SHISAL1: variants seen among roughly 807,000 people sequenced by gnomAD.
SHISAL1 encodes shisa like 1, also known as protein shisa-like-1.
In SHISAL1, 9 loss-of-function variants were observed where a neutral mutation model predicts 22.6. That is an observed-to-expected ratio of 0.40 (90% confidence interval 0.24 to 0.70). SHISAL1 has a LOEUF of 0.70. SHISAL1 is among the 30% of genes least tolerant of loss of function. The pLI, the probability that SHISAL1 is intolerant of heterozygous loss-of-function variation, is 0.39. For missense variants in SHISAL1, 246 were observed against 270.6 expected (o/e 0.91, Z 0.64); for synonymous variants, 119 against 115.4 (o/e 1.03, Z -0.20).
upstream of SHISAL1, among the ~76,000 whole-genome samples, chr22:44,317,256 C>T (rs375500276): frequency 6.6e-6 from 1 of 152,196 alleles, no homozygotes; most frequent in Non-Finnish European, 1.5e-5. Flanking sequence ...AAGGACGTGC[C>T]TCTCGAATGG....
At chr22:44,279,534 G>T (rs1245684678) in intron 4 of SHISAL1, among the ~76,000 whole-genome samples, 2 of 152,242 alleles carry the variant, frequency 1.3e-5, no homozygotes, top group Non-Finnish European at 2.9e-5. Flanking sequence ...GCAGGAGAAG[G>T]TTCTGGGGTT....
At chr22:44,313,012 C>T (rs569006322), upstream of SHISAL1, among the ~76,000 whole-genome samples, 4 of 152,278 alleles carry the variant, frequency 2.6e-5, no homozygotes, top group African/African-American at 7.2e-5. Context: ...GTCCAGCTCC[C>T]GCCTGGGCCT....
intron 4 of SHISAL1, among the ~76,000 whole-genome samples, chr22:44,283,108 C>CA (rs2055287921): frequency 6.6e-6 from 1 of 152,264 alleles, no homozygotes; most frequent in African/African-American, 2.4e-5. Flanking sequence ...CACCCAGAGT[C>CA]ACGCTGCGTG....
the SHISAL1 span, among the ~76,000 whole-genome samples, chr22:44,323,281 CCAT>C: frequency 1.3e-4 from 19 of 149,726 alleles, no homozygotes; most frequent in East Asian, 4.1e-4. Flanking sequence ...ATCCATCCAT[CCAT>C]CCACCTCACC....
At chr22:44,281,940 A>T (rs1415822315) in intron 4 of SHISAL1, among the ~76,000 whole-genome samples, 2 of 152,206 alleles carry the variant, frequency 1.3e-5, no homozygotes, top group Admixed American at 1.3e-4. Context: ...CTGCCTGGCC[A>T]CGCGATTCGG....
chr22:44,304,278 C>T (rs910650451), intron 1 of SHISAL1, among the ~76,000 whole-genome samples: 6 of 22,528 alleles, frequency 2.7e-4, no homozygotes, highest in Admixed American at 7.5e-4. Context: ...TTGGAGACTT[C>T]GGAGCGAGAT....
In SHISAL1 at chr22:44,310,095, G is replaced by T. The variant is rs970297939; in HGVS notation, c.-33+2656C>A. Among the ~76,000 whole-genome samples the T allele has an allele frequency of 2.0e-5, 3 of 152,176 alleles. No individual in the cohort carries two copies. Among genetic ancestry groups the T allele is most frequent in the African/African-American group, 7.2e-5 (3 of 41,446 alleles). On this transcript the variant is annotated intron_variant, in intron 1 of 4. Transcript: ENST00000381176. The surrounding 1 kb of genome is among the most constrained non-coding windows in gnomAD (Gnocchi z 4.0). ...CCACGGCTGACAGTGAGTGAGAAGG[G>T]CCAGCACCTCACACCCTAGTAACGG...
chr22:44,303,437 A>G (rs1431235105), intron 1 of SHISAL1, among the ~76,000 whole-genome samples: 2 of 152,164 alleles, frequency 1.3e-5, no homozygotes, highest in African/African-American at 4.8e-5. Flanking sequence ...CAATTTGGAC[A>G]CAGAAACACC....
chr22:44,266,733 C>T (rs188748463), intron 4 of SHISAL1, among the ~76,000 whole-genome samples: 7 of 152,102 alleles, frequency 4.6e-5, no homozygotes, highest in East Asian at 1.9e-4. Flanking sequence ...ACGCCACTGG[C>T]GAGGTGGTGC....
In SHISAL1 at chr22:44,243,994, G is replaced by A. The variant is rs2054977013; in HGVS notation, c.*5691C>T. 6.6e-6 allele frequency: 1 copy of A among 152,380 alleles called. No homozygotes were observed. The highest frequency in any genetic ancestry group is 3.4e-3 in the Middle Eastern group (1 of 294). 9.4% of individuals were successfully genotyped at this position (152,380 alleles called of 1,614,324 possible). A position where few individuals can be genotyped will look rare whatever the true frequency, so the allele number is the denominator to read the frequency against. ...GGGAGGTCTCCTGCCTTGTTAAGGT[G>A]ACTGAGCCCCTCACCCTTGCAGCCC... On this transcript the variant is annotated 3_prime_UTR_variant, in exon 5 of 5. Transcript: ENST00000381176.
rs142555390 is a variant in SHISAL1 at position 44,311,207 on chromosome 22, C to A, written c.-33+1544G>T. On this transcript the variant is annotated intron_variant, in intron 1 of 4. Coordinates refer to ENST00000381176, the MANE Select transcript of SHISAL1 (RefSeq NM_001099294.2). ...GTGGGCCGGCTCACACCCCCTGGGCCCTCACTGTCTCCCTACCAGGCGGGC... is the reference window on the plus strand; with the variant it reads ...GTGGGCCGGCTCACACCCCCTGGGCACTCACTGTCTCCCTACCAGGCGGGC... Among the ~76,000 whole-genome samples, 6 of 152,302 alleles carry A rather than the reference C, an allele frequency of 3.9e-5. No homozygotes were observed. The East Asian group carries it at 9.7e-4, about 25-fold the overall frequency.
chr22:44,271,990 G>C (rs181637244), intron 4 of SHISAL1, among the ~76,000 whole-genome samples: 6 of 152,332 alleles, frequency 3.9e-5, no homozygotes, highest in Non-Finnish European at 7.4e-5. Context: ...TGCTGCGTTA[G>C]GGCATTTTAA....
At chr22:44,278,998 C>G (rs973978579) in intron 4 of SHISAL1, among the ~76,000 whole-genome samples, 1 of 152,108 alleles carries the variant, frequency 6.6e-6, no homozygotes, top group African/African-American at 2.4e-5. Context: ...CATCACTGTC[C>G]AGGGCAGGCA....
chr22:44,305,906 C>T (rs531227845), intron 1 of SHISAL1, among the ~76,000 whole-genome samples: 2 of 152,316 alleles, frequency 1.3e-5, no homozygotes, highest in East Asian at 3.9e-4. Flanking sequence ...GTAGGGGCTG[C>T]CCTTACTCCC....
At chr22:44,266,254 G>A (rs1420568760) in intron 4 of SHISAL1, among the ~76,000 whole-genome samples, 4 of 152,138 alleles carry the variant, frequency 2.6e-5, no homozygotes, top group Middle Eastern at 3.2e-3. Context: ...CTATTGAGTC[G>A]GGAGAAAACA....
chr22:44,268,710 C>T (rs1057121885), intron 4 of SHISAL1, among the ~76,000 whole-genome samples: 10 of 152,070 alleles, frequency 6.6e-5, no homozygotes, highest in African/African-American at 1.9e-4. Flanking sequence ...GTGACCTCAG[C>T]GACGTTTTGA....
rs2054997746 is a variant in SHISAL1 at position 44,246,011 on chromosome 22, T to G, written c.*3674A>C. 6.6e-6 allele frequency: 1 copy of G among 152,254 alleles called. No homozygotes were observed. Among genetic ancestry groups the G allele is most frequent in the Non-Finnish European group, 1.5e-5 (1 of 68,056 alleles). The allele number at this position is 152,254 out of a possible 1,614,324, so 9.4% of individuals were successfully genotyped here. On this transcript the variant is annotated 3_prime_UTR_variant, in exon 5 of 5. Coordinates refer to ENST00000381176, the MANE Select transcript of SHISAL1 (RefSeq NM_001099294.2). Reference sequence around the variant, plus strand: ...GCGCGCATGTGCATGTATGTACTTGTGTGTTTTTTCAATTAAGGCCTGTTG... The same window carrying G: ...GCGCGCATGTGCATGTATGTACTTGGGTGTTTTTTCAATTAAGGCCTGTTG...
intron 4 of SHISAL1, among the ~76,000 whole-genome samples, chr22:44,258,218 ATCAC>A (rs996655655): frequency 1.3e-5 from 2 of 152,200 alleles, no homozygotes; most frequent in Non-Finnish European, 2.9e-5. Context: ...AGGCAGGAGA[ATCAC>A]TCGAATCCAG....
intron 3 of SHISAL1, among the ~76,000 whole-genome samples, chr22:44,290,586 G>A (rs967399165): frequency 7.9e-5 from 12 of 151,516 alleles, no homozygotes; most frequent in Admixed American, 3.3e-4. Context: ...GAGTGGCCTC[G>A]GGTCCACGAG....
Sources: gnomAD v4.1 joint callset for allele counts (sites outside exome capture counted in the v4.1 genomes callset) on GRCh38, gnomAD v4.1.1 for gene constraint, Gnocchi (gnomAD v3.1) non-coding constraint, MANE v1.5 for transcripts, NCBI Gene and HGNC (gene_info 2026-07-23, HGNC 2026-07-21) for gene names.